PRELID2: variants seen among roughly 807,000 people sequenced by gnomAD.
The protein encoded by PRELID2 is PRELI domain containing 2.
In PRELID2, 25 loss-of-function variants were observed where a neutral mutation model predicts 28.4. The observed-to-expected ratio is 0.88, with a 90% CI of 0.64 to 1.23. PRELID2 has a LOEUF of 1.23. Ranked by LOEUF, PRELID2 falls within the 50% of genes most tolerant of loss-of-function variation. The probability of loss-of-function intolerance (pLI) is 0.00; values close to 1 mark genes in which losing one functional copy is unlikely to be tolerated. For missense variants in PRELID2, 201 were observed against 214.4 expected (o/e 0.94, Z 0.39); for synonymous variants, 76 against 71.6 (o/e 1.06, Z -0.31).
chr5:145,313,919 C>A, the PRELID2 span, among the ~76,000 whole-genome samples: 4 of 152,156 alleles, frequency 2.6e-5, no homozygotes, highest in African/African-American at 9.7e-5. Flanking sequence ...AGAAAAGAAT[C>A]TATGAACATC....
chr5:145,246,411 G>T, the PRELID2 span, among the ~76,000 whole-genome samples: 319 of 152,192 alleles, frequency 2.1e-3, no homozygotes, highest in African/African-American at 7.4e-3. Context: ...GGAAGAGAGT[G>T]ATAAATATGT....
Position 145,809,396 on chromosome 5 carries a change from C to T in PRELID2, c.368+8498G>A, listed in dbSNP as rs189996471. Among the ~76,000 whole-genome samples the T allele has an allele frequency of 2.5e-3, 377 of 152,068 alleles. 2 individuals are homozygous for T. Among genetic ancestry groups the T allele is most frequent in the African/African-American group, 8.3e-3 (343 of 41,470 alleles). ...GCCCAGCTATGCCCGACCACTCTGC[C>T]CAGGAGAGGGTGGGCCAAATGGGGC... On this transcript the variant is annotated intron_variant, in intron 4 of 6. Coordinates refer to ENST00000683046, the MANE Select transcript of PRELID2 (RefSeq NM_205846.3).
chr5:145,371,886 T>TAA, the PRELID2 span, among the ~76,000 whole-genome samples: 2,350 of 141,858 alleles, frequency 0.017, 69 homozygotes, highest in African/African-American at 0.057. Context: ...TTTGTTAATT[T>TAA]AAAAAAAAAA....
intron 1 of PRELID2, among the ~76,000 whole-genome samples, chr5:145,575,890 C>G (rs1753056354): frequency 6.6e-6 from 1 of 152,078 alleles, no homozygotes; most frequent in Non-Finnish European, 1.5e-5. Context: ...CTCCAGCTGT[C>G]CTGGCATTCT....
In PRELID2 at chr5:145,806,268, T is replaced by C. The variant is rs1753501019; in HGVS notation, c.369-9721A>G. On this transcript the variant is annotated intron_variant, in intron 4 of 6. Coordinates refer to ENST00000683046, the MANE Select transcript of PRELID2 (RefSeq NM_205846.3). ...ATTGCATAACTGTACAAAAATATTG[T>C]CTTTTAAATTCTTATTCTATTAACT... 1.3e-5 allele frequency among the ~76,000 whole-genome samples: 2 copies of C among 152,178 alleles called. 1 individual carries two copies. The highest frequency in any genetic ancestry group is 4.1e-4 in the South Asian group (2 of 4,832).
intron 3 of PRELID2, chr5:145,819,516 T>A: frequency 1.4e-6 from 1 of 713,906 alleles, no homozygotes; most frequent in Non-Finnish European, 2.4e-6. Flanking sequence ...TGGAGAACCT[T>A]ATACTCTGGG....
In PRELID2 at chr5:145,593,690, G is replaced by C. The variant is rs80207414; in HGVS notation, n.71-120375C>G. Among the ~76,000 whole-genome samples the C allele has an allele frequency of 2.6e-3, 399 of 152,208 alleles. 4 individuals are homozygous for C. Among genetic ancestry groups the C allele is most frequent in the African/African-American group, 8.9e-3 (371 of 41,550 alleles). On this transcript the variant is annotated intron_variant and non_coding_transcript_variant, in intron 1 of 2. Coordinates refer to the PRELID2 transcript ENST00000510259. ...AACTGTACTGCAGAGTCATCAAACA[G>C]TTCAACAACTTGGGTTGGAATCAGC...
At chr5:145,660,678 T>C (rs1157711801) in intron 1 of PRELID2, among the ~76,000 whole-genome samples, 1 of 152,242 alleles carries the variant, frequency 6.6e-6, no homozygotes. Context: ...TACTGTCAAC[T>C]ATGAAATATC....
the PRELID2 span, among the ~76,000 whole-genome samples, chr5:145,391,496 G>T: frequency 6.6e-6 from 1 of 152,170 alleles, no homozygotes; most frequent in East Asian, 1.9e-4. Flanking sequence ...CAGAAGGATC[G>T]CATGGCCTGG....
chr5:145,245,531 A>G, the PRELID2 span, among the ~76,000 whole-genome samples: 1 of 152,094 alleles, frequency 6.6e-6, no homozygotes, highest in Non-Finnish European at 1.5e-5. Context: ...AGTCCAAAGC[A>G]GTTACAATTC....
rs542847587 is a variant in PRELID2, at chr5:145,688,864, T to C, written n.70+76067A>G. ...CTATCAGAATGATCTTCAGGCTTCA[T>C]TGGAATAATGGCAAGACAATTCAGG... is the stretch of plus-strand genomic sequence containing the variant. On this transcript the variant is annotated intron_variant and non_coding_transcript_variant, in intron 1 of 2. Transcript: ENST00000510259. 5.3e-5 allele frequency among the ~76,000 whole-genome samples: 8 copies of C among 152,188 alleles called. No individual in the cohort carries two copies. In the East Asian group the frequency reaches 5.8e-4, roughly 11 times the overall value.
rs1423577359 is a variant in PRELID2 at position 145,817,206 on chromosome 5, A to ATATATATATATAT, written c.368+687_368+688insATATATATATATA. 1.6e-3 allele frequency among the ~76,000 whole-genome samples: 99 copies of ATATATATATATAT among 62,750 alleles called. 1 individual carries two copies. The highest frequency in any genetic ancestry group is 2.9e-3 in the Non-Finnish European group (72 of 24,510). The allele number at this position is 62,750 out of a possible 152,430, so 41.2% of individuals were successfully genotyped here. A position where few individuals can be genotyped will look rare whatever the true frequency, so the allele number is the denominator to read the frequency against. The stretch of plus-strand genomic sequence containing the variant: ...ACTGCATTTCAAAAAAAAATAAATA[A>ATATATATATATAT]ATAAATAAAAAAAAATATATATATA... On this transcript the variant is annotated intron_variant, in intron 4 of 6. Coordinates refer to ENST00000683046, the MANE Select transcript of PRELID2 (RefSeq NM_205846.3).
chr5:145,391,226 T>C, the PRELID2 span, among the ~76,000 whole-genome samples: 1 of 152,252 alleles, frequency 6.6e-6, no homozygotes, highest in Non-Finnish European at 1.5e-5. Context: ...TAGCAGACTT[T>C]TGCCTAGACA....
At chr5:145,302,893 G>T in the PRELID2 span, among the ~76,000 whole-genome samples, 1 of 152,082 alleles carries the variant, frequency 6.6e-6, no homozygotes, top group African/African-American at 2.4e-5. Context: ...TAGCTTGTTT[G>T]TTTGTAAAGT....
chr5:145,290,775 G>A, the PRELID2 span, among the ~76,000 whole-genome samples: 12 of 150,862 alleles, frequency 8.0e-5, no homozygotes, highest in Admixed American at 4.6e-4. Flanking sequence ...AAAAGGTCTC[G>A]GTATATTTGG....
At chr5:145,446,550 T>G in the PRELID2 span, among the ~76,000 whole-genome samples, 1 of 152,142 alleles carries the variant, frequency 6.6e-6, no homozygotes, top group Admixed American at 6.6e-5. Flanking sequence ...CAAGAACCTA[T>G]GTAAGTTTAA....
intron 1 of PRELID2, among the ~76,000 whole-genome samples, chr5:145,662,075 G>C: frequency 6.6e-6 from 1 of 151,566 alleles, no homozygotes; most frequent in Admixed American, 6.6e-5. Context: ...AATATCTCGG[G>C]GTCCAATGCA....
chr5:145,448,550 C>G, the PRELID2 span, among the ~76,000 whole-genome samples: 1 of 152,148 alleles, frequency 6.6e-6, no homozygotes, highest in African/African-American at 2.4e-5. Flanking sequence ...TCTGATAAAA[C>G]AGATTTTAAA....
intron 1 of PRELID2, among the ~76,000 whole-genome samples, chr5:145,827,998 T>A (rs758291641): frequency 6.6e-6 from 1 of 151,568 alleles, no homozygotes; most frequent in Non-Finnish European, 1.5e-5. Flanking sequence ...TATGTGGGAA[T>A]TCTTTGTTTC....
Sources: allele counts gnomAD v4.1 joint callset (sites outside exome capture counted in the v4.1 genomes callset), GRCh38; gene constraint gnomAD v4.1.1; transcripts MANE v1.5; gene names NCBI Gene and HGNC (gene_info 2026-07-23, HGNC 2026-07-21).